The following BTBD9 variants were observed in gnomAD, a reference collection of about 807,000 sequenced individuals.
BTBD9 encodes BTB/POZ domain-containing protein 9.
BTBD9 carries 49 observed loss-of-function variants against 64.3 expected under a neutral mutation model. The ratio of observed to expected loss-of-function variants is 0.76; its 90% CI spans 0.61 to 0.97. The LOEUF is 0.97. Among genes scored for constraint, BTBD9 ranks in the 50% least tolerant of loss-of-function variants. The pLI is 0.00. For synonymous variants in BTBD9, 260 were observed against 274.7 expected, an observed-to-expected ratio of 0.95 and a Z score of 0.53; for missense variants, 598 against 762.1, an observed-to-expected ratio of 0.78 and a Z score of 2.53.
At chr6:38,481,813 T>C (rs368588218) in intron 6 of BTBD9, 22 of 152,344 alleles carry the variant, frequency 1.4e-4, no homozygotes, top group African/African-American at 5.1e-4. Context: ...ATTCAGGTGG[T>C]TCCTTTCAGC....
At chr6:38,556,964 G>A (rs1030345815) in intron 6 of BTBD9, among the ~76,000 whole-genome samples, 1 of 126,284 alleles carries the variant, frequency 7.9e-6, no homozygotes, top group Non-Finnish European at 1.6e-5. Flanking sequence ...AGTGACCCGA[G>A]ATCGGGCCAT....
intron 10 of BTBD9, among the ~76,000 whole-genome samples, chr6:38,178,390 C>T (rs753688095): frequency 2.6e-5 from 4 of 152,114 alleles, no homozygotes; most frequent in East Asian, 1.9e-4. Flanking sequence ...ACGCTGCACA[C>T]GTGAGCAGGG....
chr6:38,275,275 T>G (rs1582149851), intron 8 of BTBD9, among the ~76,000 whole-genome samples: 2 of 151,710 alleles, frequency 1.3e-5, no homozygotes, highest in South Asian at 4.2e-4. Flanking sequence ...TAAATGGTGC[T>G]GGGAAAACTG....
At chr6:38,215,378 C>T (rs533368277) in intron 9 of BTBD9, among the ~76,000 whole-genome samples, 1 of 152,234 alleles carries the variant, frequency 6.6e-6, no homozygotes, top group Non-Finnish European at 1.5e-5. Flanking sequence ...GCTTCAATGT[C>T]GGCCTCCGGG....
intron 6 of BTBD9, among the ~76,000 whole-genome samples, chr6:38,508,562 G>A (rs771210619): frequency 6.6e-6 from 1 of 152,120 alleles, no homozygotes; most frequent in Non-Finnish European, 1.5e-5. Flanking sequence ...CAGCAGGAGC[G>A]ATTATATGAA....
rs1561821539 is a variant in BTBD9 at position 38,171,865 on chromosome 6, AAAAAAAAAAAAAAAAAAT to A, written c.*3102_*3119del. ...TACTCTCAAAAAAAAAAAAAAAAAA[AAAAAAAAAAAAAAAAAAT>A]AATAATAATAATAATAATAATAATA... On this transcript the variant is annotated 3_prime_UTR_variant, in exon 11 of 11. Coordinates refer to ENST00000481247, the MANE Select transcript of BTBD9 (RefSeq NM_001099272.2). 7 of 96,556 alleles carry A rather than the reference AAAAAAAAAAAAAAAAAAT, an allele frequency of 7.2e-5. No individual in the cohort carries two copies. The highest frequency in any genetic ancestry group is 6.6e-4 in the East Asian group (3 of 4,512). 6.0% of individuals were successfully genotyped at this position (96,556 alleles called of 1,614,324 possible). A position where few individuals can be genotyped will look rare whatever the true frequency, so the allele number is the denominator to read the frequency against.
At chr6:38,322,020 G>A (rs1187351677) in intron 7 of BTBD9, among the ~76,000 whole-genome samples, 1 of 151,844 alleles carries the variant, frequency 6.6e-6, no homozygotes, top group Non-Finnish European at 1.5e-5. Context: ...GATTGCGAAT[G>A]CTGTGTATTA....
intron 6 of BTBD9, among the ~76,000 whole-genome samples, chr6:38,501,287 GC>G (rs1262785178): frequency 3.9e-5 from 6 of 152,104 alleles, no homozygotes; most frequent in African/African-American, 1.4e-4. Context: ...CAAAGAAAAT[GC>G]TCATTGGAGC....
chr6:38,284,902 T>C (rs971703730), intron 8 of BTBD9, among the ~76,000 whole-genome samples: 1 of 151,600 alleles, frequency 6.6e-6, no homozygotes, highest in African/African-American at 2.4e-5. Flanking sequence ...GATCAAAGAA[T>C]TGGAGGCAGG....
intron 8 of BTBD9, among the ~76,000 whole-genome samples, chr6:38,274,110 G>C (rs1438414930): frequency 6.6e-6 from 1 of 152,208 alleles, no homozygotes; most frequent in African/African-American, 2.4e-5. Flanking sequence ...TTGTACGTTG[G>C]ATTCCTAGGT....
chr6:38,327,703 T>C (rs548918067), intron 7 of BTBD9, among the ~76,000 whole-genome samples: 192 of 152,260 alleles, frequency 1.3e-3, no homozygotes, highest in Non-Finnish European at 2.3e-3. Flanking sequence ...TGCCCATTTG[T>C]AATTCTTCCC....
At chr6:38,366,803 T>G (rs546920146) in intron 6 of BTBD9, among the ~76,000 whole-genome samples, 1 of 152,198 alleles carries the variant, frequency 6.6e-6, no homozygotes, top group Non-Finnish European at 1.5e-5. Context: ...TCACTAGGAA[T>G]AGAAAGAAGA....
chr6:38,514,941 G>C (rs1363180842), intron 6 of BTBD9, among the ~76,000 whole-genome samples: 1 of 152,168 alleles, frequency 6.6e-6, no homozygotes, highest in African/African-American at 2.4e-5. Context: ...ACTGGCACCA[G>C]AGCAAATGTA....
At chr6:38,448,469 C>A (rs1034035860) in intron 6 of BTBD9, among the ~76,000 whole-genome samples, 7 of 152,160 alleles carry the variant, frequency 4.6e-5, no homozygotes, top group African/African-American at 1.4e-4. Context: ...AACTACCAAG[C>A]ACACTAAAGG....
chr6:38,483,797 T>C (rs1771272525), intron 6 of BTBD9, among the ~76,000 whole-genome samples: 1 of 152,210 alleles, frequency 6.6e-6, no homozygotes, highest in South Asian at 2.1e-4. Flanking sequence ...CCAAGCCAAC[T>C]TCTTGTAATT....
intron 6 of BTBD9, among the ~76,000 whole-genome samples, chr6:38,390,117 TGCG>T (rs1438623784): frequency 6.6e-6 from 1 of 152,228 alleles, no homozygotes; most frequent in African/African-American, 2.4e-5. Flanking sequence ...CAGAGTGTGC[TGCG>T]CTACAACACA....
intron 9 of BTBD9, among the ~76,000 whole-genome samples, chr6:38,213,949 T>C (rs548715249): frequency 6.6e-6 from 1 of 151,812 alleles, no homozygotes; most frequent in Non-Finnish European, 1.5e-5. Context: ...TGAGCTGAGA[T>C]TGCGCCACTG....
chr6:38,193,892 T>G, intron 9 of BTBD9: 1 of 985,052 alleles, frequency 1.0e-6, no homozygotes, highest in Non-Finnish European at 1.2e-6. Context: ...CACTGCTGCC[T>G]GGACACCAGT....
intron 1 of BTBD9, among the ~76,000 whole-genome samples, chr6:38,609,411 C>A (rs1777537694): frequency 6.6e-6 from 1 of 152,122 alleles, no homozygotes; most frequent in Non-Finnish European, 1.5e-5. Context: ...TGTCTCTAGA[C>A]TTTTCCTATA....
Sources: gnomAD v4.1 joint callset for allele counts (sites outside exome capture counted in the v4.1 genomes callset) on GRCh38, gnomAD v4.1.1 for gene constraint, MANE v1.5 for transcripts, NCBI Gene and HGNC (gene_info 2026-07-23, HGNC 2026-07-21) for gene names.